Variants in PUF60 observed in about 807,000 individuals in gnomAD.
PUF60 encodes the protein poly(U) binding splicing factor 60.
PUF60 carries 10 observed loss-of-function variants against 61.8 expected under a neutral mutation model. The observed-to-expected ratio is 0.16, with a 90% CI of 0.10 to 0.27. The LOEUF is 0.27. Ranked by LOEUF, PUF60 falls within the 10% of genes least tolerant of loss-of-function variation. The pLI, the probability that PUF60 is intolerant of heterozygous loss-of-function variation, is 1.00. For synonymous variants in PUF60, 353 were observed against 300.9 expected, an observed-to-expected ratio of 1.17 and a Z score of -1.79; for missense variants, 371 against 754.0, an observed-to-expected ratio of 0.49 and a Z score of 5.95.
At position 143,818,627 on chromosome 8, in the gene PUF60, C is replaced by G. The variant is rs966917352; in HGVS notation, c.349-93G>C. 1.5e-6 allele frequency: 2 copies of G among 1,372,122 alleles called. No individual in the cohort carries two copies. The highest frequency in any genetic ancestry group is 4.7e-5 in the Admixed American group (2 of 42,942). 85.0% of individuals were successfully genotyped at this position (1,372,122 alleles called of 1,614,324 possible). A position where few individuals can be genotyped will look rare whatever the true frequency, so the allele number is the denominator to read the frequency against. On this transcript the variant is annotated intron_variant, in intron 5 of 11. Transcript: ENST00000526683. This position sits in a 1 kb window ranked among gnomAD's most constrained non-coding sequence, Gnocchi z 7.9. ...CCCCTCCTGGCCCACCCACCCAGCC[C>G]TGCTGTGGGGAGGGCTCCCCACATG...
chr8:143,821,896 C>G lies in PUF60; in HGVS notation c.129G>C (p.Lys43Asn). The change falls in exon 3 of 12, where the codon AAG becomes AAC. Residue 43 changes from lysine to asparagine, a missense_variant. Transcript: ENST00000526683. ...WKPPQGTDSIKMENGQSTAAK... is the reference protein window; with the variant it reads ...WKPPQGTDSINMENGQSTAAK... ...CGGCTGTGCTCTGCCCGTTCTCCATCTTGATGGAGTCTGTGCCCTGGTAAG... is the reference window on the plus strand; with the variant it reads ...CGGCTGTGCTCTGCCCGTTCTCCATGTTGATGGAGTCTGTGCCCTGGTAAG... 1 of 1,605,814 alleles carries G rather than the reference C, an allele frequency of 6.2e-7. No individual in the cohort carries two copies. The highest frequency in any genetic ancestry group is 1.3e-5 in the African/African-American group (1 of 74,992).
At chr8:143,827,394 A>G (rs1817751328) in intron 1 of PUF60, 2 of 456,172 alleles carry the variant, frequency 4.4e-6, no homozygotes, top group African/African-American at 4.0e-5. Flanking sequence ...CCCTTGCTGC[A>G]AAGAGGCAGC....
At chr8:143,829,042 A>G (rs2130475374) in intron 1 of PUF60, 2 of 1,008,270 alleles carry the variant, frequency 2.0e-6, no homozygotes, top group Non-Finnish European at 2.4e-6. Context: ...CGCCGCGCCC[A>G]GGCCCCCGCC....
intron 5 of PUF60, among the ~76,000 whole-genome samples, chr8:143,819,986 G>C (rs1317749210): frequency 6.6e-6 from 1 of 152,172 alleles, no homozygotes; most frequent in Non-Finnish European, 1.5e-5. Flanking sequence ...CCCAGAGAAG[G>C]GTCCACATCT....
At chr8:143,827,795 G>A (rs1355172368) in intron 1 of PUF60, among the ~76,000 whole-genome samples, 3 of 152,166 alleles carry the variant, frequency 2.0e-5, no homozygotes, top group Admixed American at 6.5e-5. Flanking sequence ...TATGGCCCAC[G>A]TCCAACTCAA....
intron 1 of PUF60, 182 bp from the exon 2 acceptor site, chr8:143,824,581 GGACC>G (rs1817433166): frequency 3.2e-6 from 2 of 618,318 alleles, no homozygotes; most frequent in South Asian, 3.8e-5. Flanking sequence ...GCACGCCCAG[GGACC>G]CAGTCAGAAG....
intron 1 of PUF60, among the ~76,000 whole-genome samples, chr8:143,826,315 G>A (rs1278114360): frequency 6.6e-6 from 1 of 152,222 alleles, no homozygotes; most frequent in Non-Finnish European, 1.5e-5. Flanking sequence ...GCTGGGCGTG[G>A]TGGCTCACAC....
At chr8:143,821,979 G>T (rs2130337849) in intron 2 of PUF60, 66 bp from the exon 3 acceptor site, 1 of 1,268,780 alleles carries the variant, frequency 7.9e-7, no homozygotes, top group Non-Finnish European at 1.1e-6. Flanking sequence ...GCCCCAGGAG[G>T]GCCACCCCTA....
chr8:143,816,432 G>C lies in PUF60; in HGVS notation c.*88C>G. 3 of 1,433,780 alleles carry C rather than the reference G, an allele frequency of 2.1e-6. No individual in the cohort carries two copies. The highest frequency in any genetic ancestry group is 1.8e-4 in the Middle Eastern group (1 of 5,496). 88.8% of individuals were successfully genotyped at this position (1,433,780 alleles called of 1,614,324 possible). A position where few individuals can be genotyped will look rare whatever the true frequency, so the allele number is the denominator to read the frequency against. ...CGCACTGTAGGCTGGGCTGGGCAGA[G>C]CGCGCCTGGCCCCGGGGACACCACT... is the stretch of plus-strand genomic sequence containing the variant. On this transcript the variant is annotated 3_prime_UTR_variant, in exon 12 of 12. Coordinates refer to ENST00000526683, the MANE Select transcript of PUF60 (RefSeq NM_078480.3).
intron 1 of PUF60, chr8:143,827,060 G>A (rs532559104): frequency 3.8e-5 from 12 of 312,954 alleles, no homozygotes; most frequent in African/African-American, 2.2e-4. Flanking sequence ...GAGCGCTGCA[G>A]AGGCCGCAGA....
In PUF60 at chr8:143,817,835, C is replaced by T. The variant is rs370027016; in HGVS notation, c.817+27G>A. On this transcript the variant is annotated intron_variant, in intron 8 of 11. Transcript: ENST00000526683. The surrounding 1 kb of genome is among the most constrained non-coding windows in gnomAD (Gnocchi z 7.4). The stretch of plus-strand genomic sequence containing the variant: ...GCCAGCCCCAGCCTCAGGTGGCCCC[C>T]ATCCCGCCTCAGCCACCCCAGCTCA... 1.7e-5 allele frequency: 27 copies of T among 1,608,502 alleles called. No homozygotes were observed. The African/African-American group carries it at 2.4e-4, about 14-fold the overall frequency.
rs990504135 is a variant in PUF60 at position 143,818,796 on chromosome 8, C to T, written c.349-262G>A. 2.1e-5 allele frequency: 11 copies of T among 531,542 alleles called. No homozygotes were observed. Among genetic ancestry groups the T allele is most frequent in the African/African-American group, 1.3e-4 (7 of 52,498 alleles). The allele number at this position is 531,542 out of a possible 1,614,324, so 32.9% of individuals were successfully genotyped here. A position where few individuals can be genotyped will look rare whatever the true frequency, so the allele number is the denominator to read the frequency against. The stretch of plus-strand genomic sequence containing the variant: ...CCCAGGCAGACTGCGGCAGCAAAGC[C>T]GACAGATGGTCAGGAGGCAGGGCTG... On this transcript the variant is annotated intron_variant, in intron 5 of 11. Transcript: ENST00000526683. The surrounding 1 kb of genome is among the most constrained non-coding windows in gnomAD (Gnocchi z 7.9).
chr8:143,823,904 C>G (rs1322849098), intron 2 of PUF60, among the ~76,000 whole-genome samples: 2 of 152,406 alleles, frequency 1.3e-5, no homozygotes, highest in African/African-American at 4.8e-5. Context: ...TAAATGAAAA[C>G]ACAGAGGTCT....
chr8:143,821,555 G>T, intron 4 of PUF60, 42 bp downstream of exon 4: 1 of 1,467,012 alleles, frequency 6.8e-7, no homozygotes, highest in African/African-American at 1.4e-5. Flanking sequence ...GGAGATGGTG[G>T]CTGTGGTGGG....
At chr8:143,824,442 C>A in intron 1 of PUF60, 43 bp from the exon 2 acceptor site, 1 of 1,590,592 alleles carries the variant, frequency 6.3e-7, no homozygotes, top group Non-Finnish European at 8.6e-7. Context: ...GCACACCACC[C>A]CACCGCCCAG....
intron 1 of PUF60, among the ~76,000 whole-genome samples, chr8:143,828,674 A>G (rs912164800): frequency 1.3e-5 from 2 of 152,174 alleles, no homozygotes; most frequent in Admixed American, 6.5e-5. Flanking sequence ...ATCCTCCCGC[A>G]GAGCTGGGGA....
At chr8:143,821,773 G>A (rs1413939300) in intron 3 of PUF60, 45 bp downstream of exon 3, 2 of 1,428,406 alleles carry the variant, frequency 1.4e-6, no homozygotes, top group South Asian at 1.2e-5. Context: ...CCTGCCCCCA[G>A]TTGACTGTCC....
Position 143,817,188 on chromosome 8 carries a change from C to T in PUF60, c.1145-43G>A. On this transcript the variant is annotated intron_variant, in intron 10 of 11. Transcript: ENST00000526683. The surrounding 1 kb of genome is among the most constrained non-coding windows in gnomAD (Gnocchi z 7.4). ...AGGTCCATCAGTCACTCCCTACCAC[C>T]CCCCTTCCCAGAAAGGCACAGAGCT... is the stretch of plus-strand genomic sequence containing the variant. 3 of 1,536,226 alleles carry T rather than the reference C, an allele frequency of 2.0e-6. No homozygotes were observed. The highest frequency in any genetic ancestry group is 2.6e-6 in the Non-Finnish European group (3 of 1,138,948).
Position 143,816,949 on chromosome 8 carries a change from G to A in PUF60, c.1341C>T (p.Ala447=). 6.3e-7 allele frequency: 1 copy of A among 1,595,956 alleles called. No homozygotes were observed. The highest frequency in any genetic ancestry group is 8.5e-7 in the Non-Finnish European group (1 of 1,171,520). ...QEHMSISGSS[A]RHMVMQKLLR... is the part of the protein sequence containing the mutation. ...GCAGCTTCTGCATCACCATGTGTCG[G>A]GCGCTACTGCCCGAGATGCTCATGT... Residue 447 remains alanine (A), a synonymous_variant, in exon 11 of 12, where the codon GCC becomes GCT. Coordinates refer to ENST00000526683, the MANE Select transcript of PUF60 (RefSeq NM_078480.3).
Sources: gnomAD v4.1 joint callset for allele counts (sites outside exome capture counted in the v4.1 genomes callset) on GRCh38, gnomAD v4.1.1 for gene constraint, Gnocchi (gnomAD v3.1) non-coding constraint, MANE v1.5 for transcripts, NCBI Gene and HGNC (gene_info 2026-07-23, HGNC 2026-07-21) for gene names.